The following REDIC1 variants were observed in gnomAD, a reference collection of about 807,000 sequenced individuals.
The protein encoded by REDIC1 is regulator of DNA class I crossover intermediates 1, also known as HEI10 Interacting Protein 1.
At chr12:39,690,008 TTTAAA>T in the REDIC1 span, among the ~76,000 whole-genome samples, 1 of 152,176 alleles carries the variant, frequency 6.6e-6, no homozygotes, top group Non-Finnish European at 1.5e-5. Flanking sequence ...GTATGGGGAC[TTTAAA>T]TTGTGATGCC....
chr12:39,679,954 G>C, the REDIC1 span, among the ~76,000 whole-genome samples: 1 of 151,996 alleles, frequency 6.6e-6, no homozygotes, highest in Non-Finnish European at 1.5e-5. Flanking sequence ...GTATGAAACT[G>C]GATCCTCATC....
the REDIC1 span, among the ~76,000 whole-genome samples, chr12:39,850,693 AATAAGGATG>A: frequency 6.6e-6 from 1 of 152,204 alleles, no homozygotes; most frequent in Non-Finnish European, 1.5e-5. Context: ...AACATATATG[AATAAGGATG>A]ATAATATATT....
At chr12:39,731,626 G>T in the REDIC1 span, among the ~76,000 whole-genome samples, 1 of 152,174 alleles carries the variant, frequency 6.6e-6, no homozygotes, top group East Asian at 1.9e-4. Flanking sequence ...GAGGCATAGG[G>T]GTCAGGGACC....
At chr12:39,801,436 T>G in the REDIC1 span, among the ~76,000 whole-genome samples, 1 of 151,746 alleles carries the variant, frequency 6.6e-6, no homozygotes, top group Non-Finnish European at 1.5e-5. Flanking sequence ...AAAAGAGAGT[T>G]TTCCCAGAGA....
the REDIC1 span, among the ~76,000 whole-genome samples, chr12:39,753,868 G>C: frequency 6.6e-6 from 1 of 152,104 alleles, no homozygotes; most frequent in African/African-American, 2.4e-5. Context: ...GGCAATGAGT[G>C]GTTCAGTAAT....
chr12:39,867,440 A>G, the REDIC1 span, among the ~76,000 whole-genome samples: 2 of 152,058 alleles, frequency 1.3e-5, no homozygotes. Context: ...CATTTTCGCA[A>G]TGTTGGCTAT....
At chr12:39,866,571 C>G in the REDIC1 span, among the ~76,000 whole-genome samples, 2 of 152,122 alleles carry the variant, frequency 1.3e-5, no homozygotes, top group African/African-American at 4.8e-5. Context: ...CTCCGCCCCC[C>G]GGGGTTCACG....
At chr12:39,626,985 A>G in the REDIC1 span, among the ~76,000 whole-genome samples, 1 of 152,218 alleles carries the variant, frequency 6.6e-6, no homozygotes, top group African/African-American at 2.4e-5. Flanking sequence ...TATTGACCTT[A>G]AAGTCCAGCT....
the REDIC1 span, among the ~76,000 whole-genome samples, chr12:39,644,604 C>T: frequency 6.6e-6 from 1 of 151,782 alleles, no homozygotes; most frequent in Non-Finnish European, 1.5e-5. Flanking sequence ...TTTCCTTTCT[C>T]CGTCATTTTT....
At chr12:39,739,838 T>C in the REDIC1 span, among the ~76,000 whole-genome samples, 3 of 152,216 alleles carry the variant, frequency 2.0e-5, no homozygotes, top group Admixed American at 2.0e-4. Context: ...GTGACTTGAT[T>C]TTGCCCATAA....
chr12:39,879,326 C>A, the REDIC1 span, among the ~76,000 whole-genome samples: 1 of 152,228 alleles, frequency 6.6e-6, no homozygotes, highest in Non-Finnish European at 1.5e-5. Context: ...CCACCATCCT[C>A]TAGACCCCAG....
At chr12:39,804,716 C>T in the REDIC1 span, among the ~76,000 whole-genome samples, 5 of 152,056 alleles carry the variant, frequency 3.3e-5, no homozygotes, top group African/African-American at 4.8e-5. Flanking sequence ...AGAGGACAGA[C>T]ATTCTAGAAA....
At chr12:39,732,703 G>T in the REDIC1 span, among the ~76,000 whole-genome samples, 1 of 152,148 alleles carries the variant, frequency 6.6e-6, no homozygotes, top group African/African-American at 2.4e-5. Context: ...CTGAAGATGA[G>T]TATTATTTTT....
chr12:39,627,084 G>A, the REDIC1 span, among the ~76,000 whole-genome samples: 1 of 151,994 alleles, frequency 6.6e-6, no homozygotes, highest in Non-Finnish European at 1.5e-5. Flanking sequence ...GCCATTACAT[G>A]TAATTTTTTT....
At chr12:39,752,968 T>G in the REDIC1 span, among the ~76,000 whole-genome samples, 2 of 152,198 alleles carry the variant, frequency 1.3e-5, no homozygotes, top group African/African-American at 4.8e-5. Context: ...CCTCAGAGAA[T>G]CTGATTCAGC....
chr12:39,809,584 C>G, the REDIC1 span, among the ~76,000 whole-genome samples: 1 of 152,082 alleles, frequency 6.6e-6, no homozygotes, highest in Non-Finnish European at 1.5e-5. Flanking sequence ...TACACATGTG[C>G]CCTGTTGGTG....
At chr12:39,653,097 A>C in the REDIC1 span, among the ~76,000 whole-genome samples, 1 of 152,096 alleles carries the variant, frequency 6.6e-6, no homozygotes, top group African/African-American at 2.4e-5. Context: ...GGATTTTAAG[A>C]GATTATGTTG....
At chr12:39,793,986 T>C in the REDIC1 span, among the ~76,000 whole-genome samples, 1 of 152,012 alleles carries the variant, frequency 6.6e-6, no homozygotes, top group Non-Finnish European at 1.5e-5. Context: ...TGTGGAGAAC[T>C]GTAAAATTTT....
chr12:39,896,470 A>ATATG, the REDIC1 span, among the ~76,000 whole-genome samples: 1 of 132,730 alleles, frequency 7.5e-6, no homozygotes, highest in African/African-American at 3.0e-5. Flanking sequence ...ATGTATACAT[A>ATATG]TATGTATATG....
Sources: gnomAD v4.1 joint callset for allele counts (sites outside exome capture counted in the v4.1 genomes callset) on GRCh38, gnomAD v4.1.1 for gene constraint, MANE v1.5 for transcripts, NCBI Gene and HGNC (gene_info 2026-07-23, HGNC 2026-07-21) for gene names.